Variants in SEPTIN9 observed in about 807,000 individuals in gnomAD.
SEPTIN9 encodes the protein septin 9.
Under a neutral mutation model 56.6 loss-of-function variants are expected in SEPTIN9, and 13 were observed. The observed-to-expected ratio is 0.23, with a 90% CI of 0.15 to 0.37. The LOEUF is 0.37. Ranked by LOEUF, SEPTIN9 falls within the 10% of genes least tolerant of loss-of-function variation. The probability of loss-of-function intolerance (pLI) is 1.00; values close to 1 mark genes in which losing one functional copy is unlikely to be tolerated. For missense variants in SEPTIN9, 650 were observed against 823.1 expected, an observed-to-expected ratio of 0.79 and a Z score of 2.57; for synonymous variants, 332 against 334.1, an observed-to-expected ratio of 0.99 and a Z score of 0.07.
At chr17:77,289,392 C>CGGCCT in intron 1 of SEPTIN9, among the ~76,000 whole-genome samples, 1 of 149,528 alleles carries the variant, frequency 6.7e-6, no homozygotes, top group East Asian at 2.0e-4. Flanking sequence ...CTACCGCGCC[C>CGGCCT]AGCTTGCATT....
intron 1 of SEPTIN9, among the ~76,000 whole-genome samples, chr17:77,292,982 G>A (rs1567977390): frequency 2.7e-5 from 4 of 149,994 alleles, no homozygotes; most frequent in South Asian, 4.2e-4. Context: ...AATGGAAACC[G>A]CTTGAGCATT....
At position 77,434,989 on chromosome 17, in the gene SEPTIN9, AGTG is replaced by A. The variant is rs928762594; in HGVS notation, c.721+32290_721+32292del. Among the ~76,000 whole-genome samples, 2 of 152,100 alleles carry A rather than the reference AGTG, an allele frequency of 1.3e-5. No individual in the cohort carries two copies. Among genetic ancestry groups the A allele is most frequent in the African/African-American group, 4.8e-5 (2 of 41,416 alleles). On this transcript the variant is annotated intron_variant, in intron 3 of 11. Coordinates refer to ENST00000427177, the MANE Select transcript of SEPTIN9 (RefSeq NM_001113491.2). The surrounding 1 kb of genome is among the most constrained non-coding windows in gnomAD (Gnocchi z 5.0). ...ACGGGGCCCTGGCAACCGTGGCAGG[AGTG>A]GTGATGTCCGATGATGGTAACAAGG...
chr17:77,450,170 G>A lies in SEPTIN9; in HGVS notation c.722-31974G>A, dbSNP rs1486740780. Among the ~76,000 whole-genome samples, 1 of 152,190 alleles carries A rather than the reference G, an allele frequency of 6.6e-6. No individual in the cohort carries two copies. Among genetic ancestry groups the A allele is most frequent in the Non-Finnish European group, 1.5e-5 (1 of 68,030 alleles). Reference sequence around the variant, plus strand: ...TTAGGGGGAAAGTTGGCCATGAGGAGTGGGAAGCGACGGGTCAGATGCCAG... The same window carrying A: ...TTAGGGGGAAAGTTGGCCATGAGGAATGGGAAGCGACGGGTCAGATGCCAG... On this transcript the variant is annotated intron_variant, in intron 3 of 11. Coordinates refer to ENST00000427177, the MANE Select transcript of SEPTIN9 (RefSeq NM_001113491.2). The surrounding 1 kb of genome is among the most constrained non-coding windows in gnomAD (Gnocchi z 6.0).
Position 77,445,733 on chromosome 17 carries a change from T to C in SEPTIN9, c.722-36411T>C, listed in dbSNP as rs547963086. 3.3e-6 allele frequency: 1 copy of C among 302,704 alleles called. No individual in the cohort carries two copies. The allele number at this position is 302,704 out of a possible 1,614,324, so 18.8% of individuals were successfully genotyped here. A position where few individuals can be genotyped will look rare whatever the true frequency, so the allele number is the denominator to read the frequency against. On this transcript the variant is annotated intron_variant, in intron 3 of 11. Coordinates refer to ENST00000427177, the MANE Select transcript of SEPTIN9 (RefSeq NM_001113491.2). This position sits in a 1 kb window ranked among gnomAD's most constrained non-coding sequence, Gnocchi z 4.7. ...GGAGTCCCAACTGTCCCCTGTGGCTTCCAGAGTGGGACCTTGCTGTGGGAT... is the reference window on the plus strand; with the variant it reads ...GGAGTCCCAACTGTCCCCTGTGGCTCCCAGAGTGGGACCTTGCTGTGGGAT...
intron 2 of SEPTIN9, among the ~76,000 whole-genome samples, chr17:77,312,839 T>C (rs760645776): frequency 1.3e-5 from 2 of 152,134 alleles, no homozygotes; most frequent in Non-Finnish European, 2.9e-5. Flanking sequence ...ACGCTAGGCA[T>C]TTGTGACTAT....
chr17:77,311,870 T>C (rs2032507212), intron 2 of SEPTIN9, among the ~76,000 whole-genome samples: 1 of 152,158 alleles, frequency 6.6e-6, no homozygotes, highest in Non-Finnish European at 1.5e-5. Flanking sequence ...ACCTTGCCCC[T>C]GGGCTCTTGC....
At chr17:77,335,043 AT>A (rs1304646320) in intron 2 of SEPTIN9, among the ~76,000 whole-genome samples, 2 of 151,408 alleles carry the variant, frequency 1.3e-5, no homozygotes, top group African/African-American at 4.9e-5. Context: ...TATTGGCCCT[AT>A]GTTGACTGTA....
At chr17:77,414,319 C>T (rs2036416293) in intron 3 of SEPTIN9, among the ~76,000 whole-genome samples, 1 of 152,018 alleles carries the variant, frequency 6.6e-6, no homozygotes, top group East Asian at 1.9e-4. Context: ...AGGTGATCCA[C>T]CCGCCTCAGC....
At chr17:77,411,568 A>C (rs973472532) in intron 3 of SEPTIN9, among the ~76,000 whole-genome samples, 3 of 151,620 alleles carry the variant, frequency 2.0e-5, no homozygotes, top group African/African-American at 7.3e-5. Context: ...CACCTGGCTA[A>C]TTTTTGTATT....
At position 77,327,720 on chromosome 17, in the gene SEPTIN9, C is replaced by G. The variant is rs930547518; in HGVS notation, c.76+20523C>G. On this transcript the variant is annotated intron_variant, in intron 2 of 11. Transcript: ENST00000427177. The surrounding 1 kb of genome is among the most constrained non-coding windows in gnomAD (Gnocchi z 5.0). The stretch of plus-strand genomic sequence containing the variant: ...CTGTGGACGCCCTCATACCTCCATC[C>G]GTGGAGCCACCCTCCTCTTTTTTTT... 6.6e-6 allele frequency among the ~76,000 whole-genome samples: 1 copy of G among 151,168 alleles called. No individual in the cohort carries two copies. The highest frequency in any genetic ancestry group is 1.5e-5 in the Non-Finnish European group (1 of 67,966).
intron 3 of SEPTIN9, among the ~76,000 whole-genome samples, chr17:77,415,853 C>T (rs2036486798): frequency 6.6e-6 from 1 of 152,100 alleles, no homozygotes; most frequent in Non-Finnish European, 1.5e-5. Context: ...CTGGTGGCTG[C>T]GAGGAGCGTG....
chr17:77,318,691 G>T lies in SEPTIN9; in HGVS notation c.76+11494G>T, dbSNP rs2032793235. ...AATGGTCCTCCCCACCCCCCAGGAA[G>T]ATGTCCTTTCTGCCAAGGAGATTGC... On this transcript the variant is annotated intron_variant, in intron 2 of 11. Coordinates refer to ENST00000427177, the MANE Select transcript of SEPTIN9 (RefSeq NM_001113491.2). This position sits in a 1 kb window ranked among gnomAD's most constrained non-coding sequence, Gnocchi z 4.9. Among the ~76,000 whole-genome samples the T allele has an allele frequency of 6.6e-6, 1 of 152,028 alleles. No individual in the cohort carries two copies. The highest frequency in any genetic ancestry group is 2.4e-5 in the African/African-American group (1 of 41,374).
At chr17:77,457,811 G>A (rs1450101293) in intron 3 of SEPTIN9, among the ~76,000 whole-genome samples, 1 of 152,266 alleles carries the variant, frequency 6.6e-6, no homozygotes, top group Non-Finnish European at 1.5e-5. Context: ...ACGCAGTGAA[G>A]TCACTATGAC....
chr17:77,383,798 G>A (rs960696831), intron 2 of SEPTIN9, among the ~76,000 whole-genome samples: 5 of 152,228 alleles, frequency 3.3e-5, no homozygotes, highest in Non-Finnish European at 5.9e-5. Context: ...CAGAGGGCGC[G>A]ATGGCCCAGC....
In SEPTIN9 at chr17:77,326,412, CAGGAGGGCTGCCTCGGGGGGACA is replaced by C. The variant is rs2033142525; in HGVS notation, c.76+19216_76+19238del. Reference sequence around the variant, plus strand: ...GAACCTGCGGTTCGTAGGACCAGGTCAGGAGGGCTGCCTCGGGGGGACACCTTCGGGCTGAGCGCAGAAGGATG... The same window carrying C: ...GAACCTGCGGTTCGTAGGACCAGGTCCCTTCGGGCTGAGCGCAGAAGGATG... On this transcript the variant is annotated intron_variant, in intron 2 of 11. Coordinates refer to ENST00000427177, the MANE Select transcript of SEPTIN9 (RefSeq NM_001113491.2). This position sits in a 1 kb window ranked among gnomAD's most constrained non-coding sequence, Gnocchi z 5.1. Among the ~76,000 whole-genome samples the C allele has an allele frequency of 6.6e-6, 1 of 152,150 alleles. No individual in the cohort carries two copies. Among genetic ancestry groups the C allele is most frequent in the Non-Finnish European group, 1.5e-5 (1 of 68,046 alleles).
At chr17:77,303,886 G>A (rs1230210637) in intron 1 of SEPTIN9, among the ~76,000 whole-genome samples, 1 of 152,114 alleles carries the variant, frequency 6.6e-6, no homozygotes, top group Non-Finnish European at 1.5e-5. Context: ...GGCGAGGTCT[G>A]CGTTCAAATT....
intron 2 of SEPTIN9, among the ~76,000 whole-genome samples, chr17:77,396,107 A>G (rs2035704506): frequency 6.6e-6 from 1 of 151,932 alleles, no homozygotes; most frequent in African/African-American, 2.4e-5. Context: ...GATGAAGGAG[A>G]TGGCTGGCAA....
At chr17:77,473,172 G>A (rs1343391320) in intron 3 of SEPTIN9, among the ~76,000 whole-genome samples, 1 of 152,204 alleles carries the variant, frequency 6.6e-6, no homozygotes, top group African/African-American at 2.4e-5. Flanking sequence ...GGGATGGAGA[G>A]CAGCTGGCCT....
chr17:77,464,525 A>T (rs1186728750), intron 3 of SEPTIN9, among the ~76,000 whole-genome samples: 1 of 152,052 alleles, frequency 6.6e-6, no homozygotes, highest in Non-Finnish European at 1.5e-5. Context: ...ATCCAAAAAC[A>T]CCTTCACAGA....
Sources: gnomAD v4.1 joint callset for allele counts (sites outside exome capture counted in the v4.1 genomes callset) on GRCh38, gnomAD v4.1.1 for gene constraint, Gnocchi (gnomAD v3.1) non-coding constraint, MANE v1.5 for transcripts, NCBI Gene and HGNC (gene_info 2026-07-23, HGNC 2026-07-21) for gene names.